The following MIGA1 variants were observed in gnomAD, a reference collection of about 807,000 sequenced individuals.
MIGA1 encodes mitoguardin 1.
MIGA1 carries 58 observed loss-of-function variants against 82.0 expected under a neutral mutation model. The observed-to-expected ratio is 0.71, with a 90% CI of 0.57 to 0.88. The LOEUF is 0.88. MIGA1 is among the 40% of genes least tolerant of loss of function. The pLI is 0.00. For synonymous variants in MIGA1, 249 were observed against 253.6 expected (o/e 0.98, Z 0.17); for missense variants, 751 against 749.1 (o/e 1.00, Z -0.03).
intron 7 of MIGA1, among the ~76,000 whole-genome samples, chr1:77,833,160 T>TCCTC (rs1684307280): frequency 6.6e-6 from 1 of 152,196 alleles, no homozygotes; most frequent in Non-Finnish European, 1.5e-5. Context: ...TGAGACCTTG[T>TCCTC]CCTCTCCCAT....
At chr1:77,796,146 T>G (rs1682644963) in intron 2 of MIGA1, among the ~76,000 whole-genome samples, 1 of 149,632 alleles carries the variant, frequency 6.7e-6, no homozygotes, top group Admixed American at 6.7e-5. Context: ...TGAGATGGAG[T>G]CTCTCTCTGT....
At chr1:77,833,958 T>C (rs1382196152) in intron 7 of MIGA1, among the ~76,000 whole-genome samples, 1 of 152,278 alleles carries the variant, frequency 6.6e-6, no homozygotes, top group Non-Finnish European at 1.5e-5. Context: ...GGAATCACAG[T>C]TGTTGTGTTG....
intron 14 of MIGA1, among the ~76,000 whole-genome samples, chr1:77,866,773 T>TC (rs1472957157): frequency 1.3e-5 from 2 of 151,524 alleles, no homozygotes; most frequent in African/African-American, 2.4e-5. Flanking sequence ...AATCTTTGCT[T>TC]CCCGGGTTCA....
intron 8 of MIGA1, among the ~76,000 whole-genome samples, chr1:77,857,518 C>G (rs1414078268): frequency 1.3e-5 from 2 of 151,802 alleles, no homozygotes; most frequent in Non-Finnish European, 2.9e-5. Flanking sequence ...CCTGGCCCCC[C>G]CTAATTTTTT....
At chr1:77,846,492 T>G (rs1228540805) in intron 8 of MIGA1, among the ~76,000 whole-genome samples, 1 of 151,866 alleles carries the variant, frequency 6.6e-6, no homozygotes, top group African/African-American at 2.4e-5. Flanking sequence ...AAAAGAAAAT[T>G]TTATTTAAAA....
At chr1:77,794,492 G>A in intron 2 of MIGA1, among the ~76,000 whole-genome samples, 1 of 152,156 alleles carries the variant, frequency 6.6e-6, no homozygotes, top group South Asian at 2.1e-4. Context: ...TTTTCTCAGG[G>A]TTGGATTCAA....
Position 77,783,221 on chromosome 1 carries a change from T to C in MIGA1, c.82-17T>C, listed in dbSNP as rs761179006. 9.3e-6 allele frequency: 14 copies of C among 1,503,236 alleles called. No homozygotes were observed. Among genetic ancestry groups the C allele is most frequent in the Non-Finnish European group, 1.3e-5 (14 of 1,100,054 alleles). The allele number at this position is 1,503,236 out of a possible 1,614,324, so 93.1% of individuals were successfully genotyped here. On this transcript the variant is annotated splice_polypyrimidine_tract_variant and intron_variant, in intron 1 of 15. Transcript: ENST00000370791. ...AAATCTTTGTGGCTAATTTTTTTTA[T>C]GTTTCATTTAATGAAGATTAGAAGA...
chr1:77,795,661 ACT>A (rs1491141921), intron 2 of MIGA1, among the ~76,000 whole-genome samples: 2 of 136,676 alleles, frequency 1.5e-5, no homozygotes, highest in Non-Finnish European at 3.1e-5. Flanking sequence ...AGAGATTCTC[ACT>A]CTGTCGTTGA....
At chr1:77,847,945 G>T (rs1183918458) in intron 8 of MIGA1, 2 of 1,311,540 alleles carry the variant, frequency 1.5e-6, no homozygotes, top group East Asian at 2.3e-5. Context: ...GAAGGGAAAA[G>T]GTCGTAGAGA....
chr1:77,838,996 G>T (rs1184114163), intron 7 of MIGA1, among the ~76,000 whole-genome samples: 1 of 151,966 alleles, frequency 6.6e-6, no homozygotes, highest in Non-Finnish European at 1.5e-5. Flanking sequence ...TGGACATTTG[G>T]TTTCTTTTCC....
In MIGA1 at chr1:77,879,373, G is replaced by A. The variant is rs1371690212; in HGVS notation, c.*4309G>A. 6.6e-6 allele frequency: 1 copy of A among 152,098 alleles called. No individual in the cohort carries two copies. Among genetic ancestry groups the A allele is most frequent in the Non-Finnish European group, 1.5e-5 (1 of 68,022 alleles). 9.4% of individuals were successfully genotyped at this position (152,098 alleles called of 1,614,324 possible). A position where few individuals can be genotyped will look rare whatever the true frequency, so the allele number is the denominator to read the frequency against. ...AACAACCATGTATTAGCTTTACTTA[G>A]CTGATGTCAGTAAATGTTTCTGTCT... On this transcript the variant is annotated 3_prime_UTR_variant, in exon 16 of 16. Coordinates refer to ENST00000370791, the MANE Select transcript of MIGA1 (RefSeq NM_198549.4).
At position 77,862,153 on chromosome 1, in the gene MIGA1, G is replaced by A. The variant is rs1249219670; in HGVS notation, c.1374+831G>A. ...GAGACTCTGTCTCAAAAAATATATA[G>A]ATATAGATATTGGTCAGGCATGGTG... On this transcript the variant is annotated intron_variant, in intron 12 of 15. Coordinates refer to ENST00000370791, the MANE Select transcript of MIGA1 (RefSeq NM_198549.4). The A allele has an allele frequency of 2.3e-4, 30 of 130,022 alleles. 2 individuals are homozygous for A. Among genetic ancestry groups the A allele is most frequent in the African/African-American group, 8.9e-4 (29 of 32,546 alleles). The allele number at this position is 130,022 out of a possible 1,614,324, so 8.1% of individuals were successfully genotyped here. A position where few individuals can be genotyped will look rare whatever the true frequency, so the allele number is the denominator to read the frequency against.
chr1:77,788,656 G>C (rs1204916537), intron 2 of MIGA1, among the ~76,000 whole-genome samples: 2 of 152,186 alleles, frequency 1.3e-5, no homozygotes, highest in South Asian at 2.1e-4. Context: ...TGTATTATTA[G>C]GTAAGGGTCC....
chr1:77,860,244 A>G, intron 11 of MIGA1, 118 bp downstream of exon 11: 1 of 641,488 alleles, frequency 1.6e-6, no homozygotes, highest in Non-Finnish European at 2.7e-6. Flanking sequence ...ATAGTTGAAA[A>G]GGGCATTAAG....
At chr1:77,831,750 G>A (rs1292403975) in intron 7 of MIGA1, among the ~76,000 whole-genome samples, 3 of 152,104 alleles carry the variant, frequency 2.0e-5, no homozygotes, top group Non-Finnish European at 4.4e-5. Context: ...ACGCACTTTG[G>A]TTAGACTATT....
At chr1:77,860,309 C>G (rs1459028970) in intron 11 of MIGA1, 183 bp downstream of exon 11, 1 of 529,660 alleles carries the variant, frequency 1.9e-6, no homozygotes, top group African/African-American at 1.9e-5. Context: ...CAAGTTGTTT[C>G]TCATAAATTA....
intron 2 of MIGA1, among the ~76,000 whole-genome samples, chr1:77,793,435 G>GT (rs943091563): frequency 2.0e-5 from 3 of 151,396 alleles, no homozygotes; most frequent in Non-Finnish European, 4.4e-5. Context: ...ATCCTGAGAG[G>GT]TTTTTTTTGT....
chr1:77,843,464 G>A, intron 8 of MIGA1, 57 bp downstream of exon 8: 1 of 1,311,468 alleles, frequency 7.6e-7, no homozygotes, highest in Non-Finnish European at 1.1e-6. Context: ...GGAAACAACA[G>A]TCTTGTCATT....
At position 77,842,390 on chromosome 1, in the gene MIGA1, T is replaced by C. The variant is rs568332478; in HGVS notation, c.896-917T>C. On this transcript the variant is annotated intron_variant, in intron 7 of 15. Coordinates refer to ENST00000370791, the MANE Select transcript of MIGA1 (RefSeq NM_198549.4). ...TAACCATTCCAAAGAATTTGAACTT[T>C]TTCAACCTTTTAAAATTTTGGGGGC... Among the ~76,000 whole-genome samples the C allele has an allele frequency of 2.0e-5, 3 of 152,364 alleles. No homozygotes were observed. The East Asian group carries it at 5.8e-4, about 29-fold the overall frequency.
Sources: gnomAD v4.1 joint callset for allele counts (sites outside exome capture counted in the v4.1 genomes callset) on GRCh38, gnomAD v4.1.1 for gene constraint, MANE v1.5 for transcripts, NCBI Gene and HGNC (gene_info 2026-07-23, HGNC 2026-07-21) for gene names.